XYLB: variants seen among roughly 807,000 people sequenced by gnomAD.
XYLB encodes the protein xylulose kinase.
Under a neutral mutation model 78.7 loss-of-function variants are expected in XYLB, and 62 were observed. The observed-to-expected ratio is 0.79, with a 90% CI of 0.64 to 0.97. The LOEUF (loss-of-function observed/expected upper bound fraction) is 0.97. XYLB is among the 50% of genes least tolerant of loss of function. XYLB has a pLI of 0.00. For missense variants in XYLB, 687 were observed against 676.8 expected (o/e 1.02, Z -0.17); for synonymous variants, 245 against 247.4 (o/e 0.99, Z 0.09).
intron 18 of XYLB, among the ~76,000 whole-genome samples, chr3:38,411,495 C>T (rs1192693981): frequency 6.6e-6 from 1 of 151,706 alleles, no homozygotes; most frequent in African/African-American, 2.4e-5. Context: ...CTAACCTGCA[C>T]ATTGTGCACA....
intron 4 of XYLB, among the ~76,000 whole-genome samples, 196 bp from the exon 5 acceptor site, chr3:38,365,003 A>G (rs1197227798): frequency 1.3e-5 from 2 of 152,218 alleles, no homozygotes; most frequent in Non-Finnish European, 2.9e-5. Context: ...TGTAGGGTAG[A>G]CAGGGCAGAG....
Position 38,363,027 on chromosome 3 carries a change from C to A in XYLB, c.291+10C>A. 1 of 1,535,616 alleles carries A rather than the reference C, an allele frequency of 6.5e-7. No homozygotes were observed. Among genetic ancestry groups the A allele is most frequent in the Non-Finnish European group, 8.8e-7 (1 of 1,136,862 alleles). On this transcript the variant is annotated intron_variant, in intron 4 of 18. Transcript: ENST00000207870. ...GTCCGGGGCGGGCCAGGTTCGTTTG[C>A]AGCAGACTCTGTCTGCCATGTGAGG...
chr3:38,386,079 C>A (rs1022896244), intron 15 of XYLB, among the ~76,000 whole-genome samples: 1 of 152,156 alleles, frequency 6.6e-6, no homozygotes, highest in Non-Finnish European at 1.5e-5. Context: ...AGTCCAACAC[C>A]ATGGGGTTCA....
intron 2 of XYLB, chr3:38,355,867 A>T (rs75649550): frequency 2.9e-6 from 2 of 688,786 alleles, no homozygotes; most frequent in Non-Finnish European, 5.3e-6. Context: ...TGTGCTTTAC[A>T]TGAGGAGAAA....
intron 18 of XYLB, among the ~76,000 whole-genome samples, chr3:38,408,234 T>A (rs1369149807): frequency 3.3e-5 from 5 of 151,930 alleles, no homozygotes; most frequent in African/African-American, 1.2e-4. Flanking sequence ...AGAAACTCAC[T>A]CAAAACCACT....
chr3:38,398,443 G>T (rs551468719), intron 17 of XYLB, among the ~76,000 whole-genome samples: 1 of 151,752 alleles, frequency 6.6e-6, no homozygotes, highest in African/African-American at 2.4e-5. Context: ...ACTCCAGCCT[G>T]GGTGACAAAG....
rs573086798 is a variant in XYLB at position 38,371,476 on chromosome 3, G to C, written c.766-1179G>C. On this transcript the variant is annotated intron_variant, in intron 9 of 18. Transcript: ENST00000207870. ...TTTTTAGTAGAGACGGGGTTTCACC[G>C]TGTTAGCCAGGATGGTCTCGATCTC... 7.2e-5 allele frequency among the ~76,000 whole-genome samples: 11 copies of C among 152,122 alleles called. No homozygotes were observed. In the South Asian group the frequency reaches 2.1e-3, roughly 29 times the overall value.
At chr3:38,452,816 C>T in the XYLB span, 4 of 152,194 alleles carry the variant, frequency 2.6e-5, no homozygotes, top group Admixed American at 6.5e-5. Flanking sequence ...TGTACCTCTT[C>T]ACTTTGCATA....
rs1708655740 is a variant in XYLB, at chr3:38,412,946, C to T, written c.1544C>T (p.Ala515Val). The T allele has an allele frequency of 6.2e-7, 1 of 1,602,240 alleles. No individual in the cohort carries two copies. Among genetic ancestry groups the T allele is most frequent in the Non-Finnish European group, 8.5e-7 (1 of 1,175,044 alleles). Residue 515 changes from alanine to valine, a missense_variant, in exon 19 of 19, where the codon GCC becomes GTC. By Grantham distance (64) the Ala-to-Val change is moderately conservative (BLOSUM62 0). Transcript: ENST00000207870. Reference sequence around the variant, plus strand: ...TTTCTGCCCTTCTAGGTCTACGAGGCCCTTCTCCCCCAGTATGCCAAACTC... The same window carrying T: ...TTTCTGCCCTTCTAGGTCTACGAGGTCCTTCTCCCCCAGTATGCCAAACTC... ...PSPGASQVYEALLPQYAKLEQ... is the reference protein window; with the variant it reads ...PSPGASQVYEVLLPQYAKLEQ...
At chr3:38,431,135 T>C in the XYLB span, among the ~76,000 whole-genome samples, 3 of 152,218 alleles carry the variant, frequency 2.0e-5, no homozygotes, top group Non-Finnish European at 4.4e-5. Context: ...AATCTATAAA[T>C]TACCTTGGGC....
the XYLB span, among the ~76,000 whole-genome samples, chr3:38,444,960 T>C: frequency 6.6e-6 from 1 of 152,120 alleles, no homozygotes; most frequent in East Asian, 1.9e-4. Context: ...CGACACATTC[T>C]TGAAAACCTG....
downstream of XYLB, among the ~76,000 whole-genome samples, chr3:38,423,708 G>A (rs946408839): frequency 4.6e-5 from 7 of 152,136 alleles, no homozygotes; most frequent in African/African-American, 1.2e-4. Flanking sequence ...GAACCTACTC[G>A]TAAAAAATTT....
chr3:38,400,962 A>ACCCCAAGCCCGGGAGCTTCTC lies in XYLB; in HGVS notation c.1511_1531dup (p.Ser510_Gln511insProProSerProGlyAlaSer). The stretch of plus-strand genomic sequence containing the variant: ...AGCTCCAAATCCCAGACTAGCTGCT[A>ACCCCAAGCCCGGGAGCTTCTC]CCCCAAGCCCGGGAGCTTCTCAGGT... On this transcript the variant is annotated inframe_insertion, in exon 18 of 19. Coordinates refer to ENST00000207870, the MANE Select transcript of XYLB (RefSeq NM_005108.4). 6.2e-7 allele frequency: 1 copy of ACCCCAAGCCCGGGAGCTTCTC among 1,614,140 alleles called. No homozygotes were observed.
chr3:38,348,710 C>A, intron 2 of XYLB, 78 bp downstream of exon 2: 1 of 1,355,952 alleles, frequency 7.4e-7, no homozygotes, highest in Non-Finnish European at 1.1e-6. Context: ...TATTCGCAGA[C>A]CGCACTGTTG....
chr3:38,363,197 CTCGT>C (rs1362200877), intron 4 of XYLB, among the ~76,000 whole-genome samples, 180 bp downstream of exon 4: 2 of 152,122 alleles, frequency 1.3e-5, no homozygotes, highest in Non-Finnish European at 2.9e-5. Flanking sequence ...TATAACTTGT[CTCGT>C]TGCAAAAGGA....
intron 15 of XYLB, 148 bp from the exon 16 acceptor site, chr3:38,395,357 G>T: frequency 1.4e-6 from 1 of 717,806 alleles, no homozygotes. Flanking sequence ...CACAGAGCCA[G>T]CTTTGGATCT....
At chr3:38,386,431 G>A (rs1213587308) in intron 15 of XYLB, among the ~76,000 whole-genome samples, 3 of 151,826 alleles carry the variant, frequency 2.0e-5, no homozygotes, top group African/African-American at 7.3e-5. Flanking sequence ...GAAATGATTG[G>A]ATTTAATTGA....
chr3:38,425,738 T>C (rs2059588749), downstream of XYLB, among the ~76,000 whole-genome samples: 1 of 152,248 alleles, frequency 6.6e-6, no homozygotes, highest in Non-Finnish European at 1.5e-5. Context: ...AACTTCATCA[T>C]GAGCCAGATG....
Position 38,413,381 on chromosome 3 carries a change from C to T in XYLB, c.*368C>T, listed in dbSNP as rs1051664990. On this transcript the variant is annotated 3_prime_UTR_variant, in exon 19 of 19. Coordinates refer to ENST00000207870, the MANE Select transcript of XYLB (RefSeq NM_005108.4). ...TCAGCAGAATGGGGGAGACAAAGCC[C>T]GGTCTCACCCCCTAACCTCATCCTA... The T allele has an allele frequency of 2.7e-5, 5 of 187,036 alleles. No homozygotes were observed. The highest frequency in any genetic ancestry group is 1.7e-4 in the South Asian group (1 of 5,756). 11.6% of individuals were successfully genotyped at this position (187,036 alleles called of 1,614,324 possible).
Sources: allele counts gnomAD v4.1 joint callset (sites outside exome capture counted in the v4.1 genomes callset), GRCh38; gene constraint gnomAD v4.1.1; transcripts MANE v1.5; gene names NCBI Gene and HGNC (gene_info 2026-07-23, HGNC 2026-07-21).